Variants in ADCY5 observed in about 807,000 individuals in gnomAD.
ADCY5 encodes adenylate cyclase 5, also known as adenylate cyclase type 5.
A neutral mutation model predicts 119.7 loss-of-function variants in ADCY5; 30 were observed. The ratio of observed to expected loss-of-function variants is 0.25; its 90% CI spans 0.19 to 0.34. The LOEUF is 0.34. Among genes scored for constraint, ADCY5 ranks in the 10% least tolerant of loss-of-function variants. The probability of loss-of-function intolerance (pLI) is 1.00; values close to 1 mark genes in which losing one functional copy is unlikely to be tolerated. For synonymous variants in ADCY5, 753 were observed against 762.2 expected (o/e 0.99, Z 0.20); for missense variants, 1,324 against 1,775.2 (o/e 0.75, Z 4.57).
intron 1 of ADCY5, among the ~76,000 whole-genome samples, chr3:123,413,878 C>T (rs958576977): frequency 1.6e-4 from 25 of 152,166 alleles, no homozygotes; most frequent in Non-Finnish European, 5.9e-5. Flanking sequence ...GGCTGCAGAA[C>T]GGACAGAGTG....
chr3:123,376,691 G>A (rs1204783139), intron 1 of ADCY5, among the ~76,000 whole-genome samples: 1 of 152,114 alleles, frequency 6.6e-6, no homozygotes, highest in African/African-American at 2.4e-5. Context: ...CCAGAGCAGA[G>A]TGGCTGGCGT....
chr3:123,362,618 C>G (rs1463704202), intron 1 of ADCY5, among the ~76,000 whole-genome samples: 1 of 152,178 alleles, frequency 6.6e-6, no homozygotes, highest in African/African-American at 2.4e-5. Context: ...GAGTGCCTAG[C>G]ACTGGGAAAC....
intron 3 of ADCY5, 140 bp downstream of exon 3, chr3:123,347,642 G>T: frequency 9.0e-7 from 1 of 1,110,472 alleles, no homozygotes; most frequent in Non-Finnish European, 1.3e-6. Flanking sequence ...GGAGGGGTGG[G>T]GCTGGCATGC....
intron 1 of ADCY5, among the ~76,000 whole-genome samples, chr3:123,441,563 G>A (rs746092874): frequency 1.3e-5 from 2 of 152,184 alleles, no homozygotes; most frequent in Non-Finnish European, 2.9e-5. Flanking sequence ...ACCCTTGGGA[G>A]CAACAGAAAA....
intron 14 of ADCY5, among the ~76,000 whole-genome samples, chr3:123,302,058 A>T (rs1939883970): frequency 6.6e-6 from 1 of 152,248 alleles, no homozygotes; most frequent in Admixed American, 6.5e-5. Flanking sequence ...GACAGCCCAC[A>T]GCACCCCTCA....
Position 123,289,725 on chromosome 3 carries a change from C to G in ADCY5, c.3532+25G>C, listed in dbSNP as rs759661945. 5 of 1,611,706 alleles carry G rather than the reference C, an allele frequency of 3.1e-6. No homozygotes were observed. The Admixed American group carries it at 8.3e-5, about 27-fold the overall frequency. On this transcript the variant is annotated intron_variant, in intron 19 of 20. Coordinates refer to ENST00000462833, the MANE Select transcript of ADCY5 (RefSeq NM_183357.3). The stretch of plus-strand genomic sequence containing the variant: ...CCTCTGCCTGACTGCACCCTGGGCT[C>G]AGCACTCCCTGGGCCCCCACTCACC...
intron 1 of ADCY5, among the ~76,000 whole-genome samples, chr3:123,369,758 G>C (rs1943569095): frequency 6.6e-6 from 1 of 152,178 alleles, no homozygotes; most frequent in African/African-American, 2.4e-5. Flanking sequence ...TCTGCTCTCT[G>C]GGTCCTATGA....
chr3:123,339,153 G>A (rs1942161818), intron 3 of ADCY5, among the ~76,000 whole-genome samples: 1 of 152,192 alleles, frequency 6.6e-6, no homozygotes, highest in African/African-American at 2.4e-5. Context: ...AGTGTGGGCT[G>A]GGGAGGCTGA....
intron 12 of ADCY5, among the ~76,000 whole-genome samples, chr3:123,311,999 A>G (rs925222246): frequency 1.3e-5 from 2 of 152,228 alleles, no homozygotes; most frequent in Non-Finnish European, 2.9e-5. Flanking sequence ...GATGATTTTC[A>G]TAACTCATCT....
chr3:123,443,040 T>C (rs1291960122), intron 1 of ADCY5, among the ~76,000 whole-genome samples: 1 of 152,000 alleles, frequency 6.6e-6, no homozygotes, highest in Non-Finnish European at 1.5e-5. Flanking sequence ...TGGCAGACAA[T>C]ACCCGGGCCT....
Position 123,319,657 on chromosome 3 carries a change from C to T in ADCY5, c.2256+17G>A, listed in dbSNP as rs760204106. On this transcript the variant is annotated intron_variant, in intron 10 of 20. Transcript: ENST00000462833. ...TGGTTCAGCACAGGGGCCTCCTTCC[C>T]ACCCAGGGTGCTGTACCTTCTTCTC... 20 of 1,612,618 alleles carry T rather than the reference C, an allele frequency of 1.2e-5. No homozygotes were observed. In the South Asian group the frequency reaches 2.1e-4, roughly 17 times the overall value.
In ADCY5 at chr3:123,304,051, T is replaced by C. The variant is rs1576545460; in HGVS notation, c.2559+16A>G. ...ATGGGGCTGCGGAGGTGCTAGGAGG[T>C]CGTGCAGCCACCCACCATGTTGACA... On this transcript the variant is annotated intron_variant, in intron 13 of 20. Transcript: ENST00000462833. 2 of 1,554,190 alleles carry C rather than the reference T, an allele frequency of 1.3e-6. No individual in the cohort carries two copies. The highest frequency in any genetic ancestry group is 2.2e-5 in the South Asian group (2 of 89,762).
At chr3:123,425,954 C>A (rs1485151001) in intron 1 of ADCY5, among the ~76,000 whole-genome samples, 1 of 152,220 alleles carries the variant, frequency 6.6e-6, no homozygotes, top group Admixed American at 6.5e-5. Flanking sequence ...AACATACAGG[C>A]AGTCCAGAGA....
At chr3:123,300,341 C>A (rs1939775444) in intron 14 of ADCY5, 46 bp from the exon 15 acceptor site, 3 of 1,591,462 alleles carry the variant, frequency 1.9e-6, no homozygotes, top group Non-Finnish European at 2.6e-6. Flanking sequence ...CCCTGCCCGA[C>A]CCCGGGCCCT....
intron 1 of ADCY5, among the ~76,000 whole-genome samples, chr3:123,354,947 A>G (rs189891902): frequency 6.6e-6 from 1 of 152,360 alleles, no homozygotes; most frequent in African/African-American, 2.4e-5. Flanking sequence ...ATGGAAGGGA[A>G]GTCCCTTAAT....
chr3:123,383,624 C>T (rs1466155826), intron 1 of ADCY5, among the ~76,000 whole-genome samples: 3 of 152,168 alleles, frequency 2.0e-5, no homozygotes, highest in East Asian at 1.9e-4. Context: ...TGCCCGCCCA[C>T]GGGGCTAATT....
chr3:123,364,658 C>T (rs1385228204), intron 1 of ADCY5, among the ~76,000 whole-genome samples: 1 of 151,934 alleles, frequency 6.6e-6, no homozygotes, highest in African/African-American at 2.4e-5. Flanking sequence ...GGAGCCAGCA[C>T]ATAATCTAGG....
intron 1 of ADCY5, among the ~76,000 whole-genome samples, chr3:123,371,156 ATGC>A (rs1195040000): frequency 6.6e-6 from 1 of 152,176 alleles, no homozygotes; most frequent in East Asian, 1.9e-4. Context: ...AAGACGAAGC[ATGC>A]TGTGGGGAAA....
chr3:123,356,848 AT>A (rs368093318), intron 1 of ADCY5, among the ~76,000 whole-genome samples: 426 of 150,752 alleles, frequency 2.8e-3, no homozygotes, highest in Non-Finnish European at 4.1e-3. Flanking sequence ...ACTCTTAGGT[AT>A]TTTTTTTTTC....
Sources: gnomAD v4.1 joint callset for allele counts (sites outside exome capture counted in the v4.1 genomes callset) on GRCh38, gnomAD v4.1.1 for gene constraint, MANE v1.5 for transcripts, NCBI Gene and HGNC (gene_info 2026-07-23, HGNC 2026-07-21) for gene names.